The following DTD1 variants were observed in gnomAD, a reference collection of about 807,000 sequenced individuals.
The protein encoded by DTD1 is D-aminoacyl-tRNA deacylase 1.
In DTD1, 13 loss-of-function variants were observed where a neutral mutation model predicts 25.6. That is an observed-to-expected ratio of 0.51 (90% CI 0.33 to 0.81). The LOEUF (loss-of-function observed/expected upper bound fraction) is 0.81, where lower values mean the gene tolerates loss of function less well. Ranked by LOEUF, DTD1 falls within the 30% of genes least tolerant of loss-of-function variation. The pLI is 0.02. For missense variants in DTD1, 193 were observed against 266.4 expected (o/e 0.72, Z 1.92); for synonymous variants, 110 against 103.6 (o/e 1.06, Z -0.37).
chr20:18,677,351 C>CT (rs1223007071), intron 4 of DTD1, among the ~76,000 whole-genome samples: 1 of 151,688 alleles, frequency 6.6e-6, no homozygotes, highest in Non-Finnish European at 1.5e-5. Flanking sequence ...TTGTGCAGCT[C>CT]TGAGTTATGT....
chr20:18,664,766 T>G (rs1376984758), intron 4 of DTD1, among the ~76,000 whole-genome samples: 1 of 152,138 alleles, frequency 6.6e-6, no homozygotes, highest in Non-Finnish European at 1.5e-5. Flanking sequence ...GTGTGGGGTG[T>G]GTTGTGTGTG....
intron 4 of DTD1, among the ~76,000 whole-genome samples, chr20:18,657,144 G>T (rs6045542): frequency 6.6e-6 from 1 of 152,154 alleles, no homozygotes; most frequent in Non-Finnish European, 1.5e-5. Flanking sequence ...GCCGTTCTCA[G>T]GTTCCAGTTT....
intron 4 of DTD1, among the ~76,000 whole-genome samples, chr20:18,678,234 G>A (rs554007188): frequency 2.6e-5 from 4 of 152,250 alleles, no homozygotes; most frequent in Non-Finnish European, 5.9e-5. Flanking sequence ...AGCACCTGGG[G>A]CCATGGGGCC....
intron 3 of DTD1, among the ~76,000 whole-genome samples, chr20:18,624,140 A>G (rs1600326500): frequency 6.6e-6 from 1 of 151,992 alleles, no homozygotes; most frequent in South Asian, 2.1e-4. Context: ...CTGGGTCAGA[A>G]CCCTGCCATG....
Position 18,677,373 on chromosome 20 carries a change from C to T in DTD1, c.477+49140C>T, listed in dbSNP as rs573310188. 7.2e-5 allele frequency among the ~76,000 whole-genome samples: 11 copies of T among 151,862 alleles called. No homozygotes were observed. The East Asian group carries it at 1.4e-3, about 19-fold the overall frequency. ...GCTCTGAGTTATGTAGGGAACAGTT[C>T]GTTGATGAGATGCTCCTAGTTTATG... On this transcript the variant is annotated intron_variant, in intron 4 of 5. Transcript: ENST00000377452.
chr20:18,594,858 C>G (rs1329769571), intron 2 of DTD1, among the ~76,000 whole-genome samples: 1 of 152,106 alleles, frequency 6.6e-6, no homozygotes, highest in Admixed American at 6.5e-5. Flanking sequence ...TAATACTTAG[C>G]CTGGTGCTTA....
chr20:18,676,115 T>C (rs2060973140), intron 4 of DTD1, among the ~76,000 whole-genome samples: 1 of 152,212 alleles, frequency 6.6e-6, no homozygotes, highest in South Asian at 2.1e-4. Context: ...TGGTGAACTG[T>C]ACTGTGTACT....
At chr20:18,612,326 G>A (rs370491596) in intron 3 of DTD1, among the ~76,000 whole-genome samples, 1 of 152,092 alleles carries the variant, frequency 6.6e-6, no homozygotes, top group Non-Finnish European at 1.5e-5. Flanking sequence ...GAGCCACCGC[G>A]CCTGGCCCAC....
intron 1 of DTD1, 136 bp downstream of exon 1, chr20:18,588,251 G>C (rs1458815802): frequency 6.8e-6 from 6 of 877,958 alleles, no homozygotes; most frequent in Non-Finnish European, 8.9e-6. Flanking sequence ...TCGCGAGCTC[G>C]GTCCGCGCAG....
chr20:18,592,657 T>G (rs2060594158), intron 1 of DTD1: 1 of 149,056 alleles, frequency 6.7e-6, no homozygotes, highest in Admixed American at 6.7e-5. Flanking sequence ...ACAGGGATTC[T>G]CCATCATAAA....
intron 2 of DTD1, among the ~76,000 whole-genome samples, chr20:18,594,308 A>G (rs1006868043): frequency 1.8e-4 from 28 of 152,106 alleles, no homozygotes; most frequent in African/African-American, 5.8e-4. Context: ...CCTTGAAGCC[A>G]GTGATCTTTT....
chr20:18,730,054 A>T (rs1243311433), intron 4 of DTD1, among the ~76,000 whole-genome samples: 1 of 151,512 alleles, frequency 6.6e-6, no homozygotes, highest in South Asian at 2.1e-4. Context: ...CTCAGAGCTG[A>T]CTCTTGTACT....
intron 3 of DTD1, among the ~76,000 whole-genome samples, chr20:18,614,007 T>C (rs914265277): frequency 6.6e-6 from 1 of 152,250 alleles, no homozygotes; most frequent in Non-Finnish European, 1.5e-5. Flanking sequence ...AGTTTCGCCA[T>C]GTTGCCCAGG....
rs1056200114 is a variant in DTD1 at position 18,659,330 on chromosome 20, T to A, written c.477+31097T>A. Among the ~76,000 whole-genome samples, 6 of 152,166 alleles carry A rather than the reference T, an allele frequency of 3.9e-5. No homozygotes were observed. In the South Asian group the frequency reaches 1.2e-3, roughly 32 times the overall value. ...CCCACCATGAGTGCCCAGGCTGACC[T>A]GTGGAAGGGGACTCTCCCATTCTCC... On this transcript the variant is annotated intron_variant, in intron 4 of 5. Coordinates refer to ENST00000377452, the MANE Select transcript of DTD1 (RefSeq NM_080820.6).
At chr20:18,706,787 T>G (rs1308375105) in intron 4 of DTD1, among the ~76,000 whole-genome samples, 1 of 152,224 alleles carries the variant, frequency 6.6e-6, no homozygotes, top group Non-Finnish European at 1.5e-5. Context: ...GCAGTGTAAC[T>G]CGGTGCTCAG....
chr20:18,622,942 A>ATTTTTTTTTTTTTTTTTTTTT (rs771564529), intron 3 of DTD1, among the ~76,000 whole-genome samples: 9 of 129,754 alleles, frequency 6.9e-5, no homozygotes, highest in Non-Finnish European at 9.8e-5. Context: ...ATTTTATAGA[A>ATTTTTTTTTTTTTTTTTTTTT]TTTTTTTTTT....
In DTD1 at chr20:18,596,093, T is replaced by G; in HGVS notation, c.222T>G (p.Ile74Met). The G allele has an allele frequency of 1.9e-6, 3 of 1,614,156 alleles. No individual in the cohort carries two copies. Among genetic ancestry groups the G allele is most frequent in the Non-Finnish European group, 2.5e-6 (3 of 1,180,018 alleles). The change falls in exon 3 of 6, where the codon ATT becomes ATG. Residue 74 changes from isoleucine to methionine, a missense_variant. By Grantham distance (10) the Ile-to-Met change is conservative (BLOSUM62 1). Transcript: ENST00000377452. ...SKSVMDKQYEILCVSQFTLQC... is the reference protein window; with the variant it reads ...SKSVMDKQYEMLCVSQFTLQC... ...GTGTGATGGACAAACAGTACGAGAT[T>G]CTGTGTGTCAGCCAGTTTACCCTCC...
chr20:18,656,638 T>C (rs2060892741), intron 4 of DTD1, among the ~76,000 whole-genome samples: 1 of 152,168 alleles, frequency 6.6e-6, no homozygotes, highest in Non-Finnish European at 1.5e-5. Context: ...GTAGGTGCCA[T>C]TGTAGATTTG....
intron 5 of DTD1, among the ~76,000 whole-genome samples, chr20:18,759,961 T>C (rs894757253): frequency 1.2e-3 from 180 of 152,360 alleles, no homozygotes; most frequent in African/African-American, 3.5e-3. Context: ...TCTAAACTTC[T>C]CTTCTCGCTT....
Sources: allele counts gnomAD v4.1 joint callset (sites outside exome capture counted in the v4.1 genomes callset), GRCh38; gene constraint gnomAD v4.1.1; transcripts MANE v1.5; gene names NCBI Gene and HGNC (gene_info 2026-07-23, HGNC 2026-07-21).